The following GOLGA8H variants were observed in gnomAD, a reference collection of about 807,000 sequenced individuals.
The protein encoded by GOLGA8H is golgin A8 family member H.
GOLGA8H carries 47 observed loss-of-function variants against 82.7 expected under a neutral mutation model. The observed-to-expected ratio is 0.57, with a 90% confidence interval of 0.45 to 0.73. The LOEUF is 0.73. GOLGA8H is among the 30% of genes least tolerant of loss of function. The probability of loss-of-function intolerance (pLI) is 0.00; values close to 1 mark genes in which losing one functional copy is unlikely to be tolerated. For synonymous variants in GOLGA8H, 108 were observed against 241.6 expected (o/e 0.45, Z 5.13); for missense variants, 372 against 661.0 (o/e 0.56, Z 4.79).
intron 7 of GOLGA8H, 48 bp downstream of exon 7, chr15:30,608,599 G>T (rs563675353): frequency 1.2e-6 from 2 of 1,605,176 alleles, no homozygotes; most frequent in Admixed American, 1.7e-5. Context: ...ACTTTGACAG[G>T]TCTTCAGGGG....
intron 13 of GOLGA8H, chr15:30,612,148 A>C (rs1382331179): frequency 1.2e-5 from 1 of 80,598 alleles, no homozygotes; most frequent in East Asian, 2.4e-4. Flanking sequence ...TTAGGCCTGG[A>C]GTAAGGGGAC....
At position 30,610,062 on chromosome 15, in the gene GOLGA8H, G is replaced by A; in HGVS notation, c.742G>A (p.Glu248Lys). 6.2e-7 allele frequency: 1 copy of A among 1,611,420 alleles called. No homozygotes were observed. The highest frequency in any genetic ancestry group is 8.5e-7 in the Non-Finnish European group (1 of 1,179,754). ...TGAGTGTGCTGAACATCTAAAAGGAGAGAGGGCCCGGTGGCAGCAGAGGAT... is the reference window on the plus strand; with the variant it reads ...TGAGTGTGCTGAACATCTAAAAGGAAAGAGGGCCCGGTGGCAGCAGAGGAT... ...RDECAEHLKG[E>K]RARWQQRMRK... The change falls in exon 10 of 19, where the codon GAG (glutamate) becomes AAG (lysine). Residue 248 changes from glutamate (E) to lysine (K), a missense_variant. By Grantham distance (56) the Glu-to-Lys change is moderately conservative. Coordinates refer to ENST00000566740, the MANE Select transcript of GOLGA8H (RefSeq NM_001282490.2).
intron 2 of GOLGA8H, 131 bp downstream of exon 2, chr15:30,606,093 G>A (rs1471000634): frequency 5.3e-5 from 77 of 1,445,820 alleles, no homozygotes; most frequent in Non-Finnish European, 6.1e-5. Flanking sequence ...GGTGGCCCAC[G>A]CCTGTAATCC....
intron 5 of GOLGA8H, 39 bp from the exon 6 acceptor site, chr15:30,608,292 C>T (rs1204858305): frequency 2.5e-6 from 4 of 1,578,128 alleles, no homozygotes; most frequent in Admixed American, 3.6e-5. Flanking sequence ...GCCATCTCTG[C>T]CTCCCCCTGG....
In GOLGA8H at chr15:30,617,578, C is replaced by G. The variant is rs2060117717; in HGVS notation, c.*3017C>G. 6.6e-6 allele frequency: 1 copy of G among 150,972 alleles called. No homozygotes were observed. The highest frequency in any genetic ancestry group is 2.4e-5 in the African/African-American group (1 of 40,990). 9.4% of individuals were successfully genotyped at this position (150,972 alleles called of 1,614,324 possible). On this transcript the variant is annotated 3_prime_UTR_variant, in exon 19 of 19. Transcript: ENST00000566740. ...GAACGAAAAGCAGAGAAAGAAATGC[C>G]AATTCCAGTCCAAAGTTTTATTTGC...
At chr15:30,611,591 CAG>C (rs938886335) in intron 13 of GOLGA8H, among the ~76,000 whole-genome samples, 1 of 149,700 alleles carries the variant, frequency 6.7e-6, no homozygotes, top group East Asian at 2.0e-4. Context: ...CCCCCAATCA[CAG>C]GGGAAGAGAC....
intron 10 of GOLGA8H, 91 bp downstream of exon 10, chr15:30,610,197 G>C (rs2059996362): frequency 6.4e-7 from 1 of 1,552,342 alleles, no homozygotes; most frequent in East Asian, 2.2e-5. Context: ...GCCAGAGGTG[G>C]TCATGGGTCT....
intron 8 of GOLGA8H, among the ~76,000 whole-genome samples, chr15:30,609,066 G>C (rs1291415021): frequency 2.3e-5 from 3 of 128,958 alleles, no homozygotes; most frequent in Admixed American, 2.2e-4. Context: ...TGAAGGTACA[G>C]AAGAGTACCT....
At position 30,608,510 on chromosome 15, in the gene GOLGA8H, C is replaced by T. The variant is rs550515695; in HGVS notation, c.440C>T (p.Thr147Met). Reference protein sequence around the residue: ...TLNIQKGKLNTDLYHMKRSLR... With the variant: ...TLNIQKGKLNMDLYHMKRSLR... ...AACATACAGAAAGGGAAACTAAATA[C>T]GGACCTGTACCACATGAAACGTTCT... is the stretch of plus-strand genomic sequence containing the variant. The change falls in exon 7 of 19, where the codon ACG becomes ATG. Residue 147 changes from threonine to methionine, a missense_variant. Thr to Met is a moderately conservative substitution (Grantham distance 81). Coordinates refer to ENST00000566740, the MANE Select transcript of GOLGA8H (RefSeq NM_001282490.2). 1.1e-4 allele frequency: 173 copies of T among 1,610,902 alleles called. 1 individual carries two copies. Among genetic ancestry groups the T allele is most frequent in the South Asian group, 1.0e-3 (94 of 90,984 alleles).
chr15:30,605,811 C>G (rs1264300522), intron 1 of GOLGA8H, 32 bp from the exon 2 acceptor site: 1 of 1,590,890 alleles, frequency 6.3e-7, no homozygotes, highest in Non-Finnish European at 8.5e-7. Context: ...GCTGACGGTT[C>G]TCATGAGTAT....
In GOLGA8H at chr15:30,606,077, G is replaced by A. The variant is rs965191515; in HGVS notation, c.168+115G>A. 1,938 of 1,489,240 alleles carry A rather than the reference G, an allele frequency of 1.3e-3. 12 individuals are homozygous for A. Among genetic ancestry groups the A allele is most frequent in the Non-Finnish European group, 1.6e-3 (1,797 of 1,116,984 alleles). 92.3% of individuals were successfully genotyped at this position (1,489,240 alleles called of 1,614,324 possible). A position where few individuals can be genotyped will look rare whatever the true frequency, so the allele number is the denominator to read the frequency against. Reference sequence around the variant, plus strand: ...CTGGTTAAGAATTCTGGCTTTAGCCGGGTGTGGTGGCCCACGCCTGTAATC... The same window carrying A: ...CTGGTTAAGAATTCTGGCTTTAGCCAGGTGTGGTGGCCCACGCCTGTAATC... On this transcript the variant is annotated intron_variant, in intron 2 of 18. Coordinates refer to ENST00000566740, the MANE Select transcript of GOLGA8H (RefSeq NM_001282490.2).
chr15:30,612,484 G>T (rs1415223698), intron 13 of GOLGA8H, 113 bp from the exon 14 acceptor site: 2 of 1,294,040 alleles, frequency 1.5e-6, no homozygotes, highest in Non-Finnish European at 2.2e-6. Context: ...CGGTGGCTGA[G>T]ATGGCCTGCC....
Position 30,608,403 on chromosome 15 carries a change from T to C in GOLGA8H, c.396+25T>C, listed in dbSNP as rs553110529. The C allele has an allele frequency of 2.5e-5, 39 of 1,570,578 alleles. No individual in the cohort carries two copies. The Admixed American group carries it at 7.0e-4, about 28-fold the overall frequency. ...GGTGAGTGGAGGGTGTGCAGTTTCC[T>C]CCTGTCCTCCGGAGAAGGTTTCTTT... On this transcript the variant is annotated intron_variant, in intron 6 of 18. Transcript: ENST00000566740.
chr15:30,605,871 C>T lies in GOLGA8H; in HGVS notation c.77C>T (p.Pro26Leu). 1.3e-6 allele frequency: 2 copies of T among 1,582,942 alleles called. No homozygotes were observed. Among genetic ancestry groups the T allele is most frequent in the African/African-American group, 1.3e-5 (1 of 74,258 alleles). ...AAAGAATATTGGCAGAAAAACAGCC[C>T]TAGAGTTCCAGCAGGAGCGAACAGG... ...KLKEYWQKNS[P>L]RVPAGANRNR... Residue 26 changes from proline to leucine, a missense_variant, in exon 2 of 19, where the codon CCT becomes CTT. By Grantham distance (98) the Pro-to-Leu change is moderately conservative. Coordinates refer to ENST00000566740, the MANE Select transcript of GOLGA8H (RefSeq NM_001282490.2).
At position 30,609,978 on chromosome 15, in the gene GOLGA8H, G is replaced by C. The variant is rs377704326; in HGVS notation, c.679-21G>C. On this transcript the variant is annotated intron_variant, in intron 9 of 18. Coordinates refer to ENST00000566740, the MANE Select transcript of GOLGA8H (RefSeq NM_001282490.2). ...GAGGACCAGTGACAGCCCTTCCTAAGTTCTGTGCCCATTCTTGCAGTTGAA... is the reference window on the plus strand; with the variant it reads ...GAGGACCAGTGACAGCCCTTCCTAACTTCTGTGCCCATTCTTGCAGTTGAA... 7.3e-4 allele frequency: 1,172 copies of C among 1,609,758 alleles called. 5 individuals carry two copies. The highest frequency in any genetic ancestry group is 4.8e-3 in the African/African-American group (360 of 74,418).
Position 30,608,708 on chromosome 15 carries a change from G to A in GOLGA8H, c.543G>A (p.Glu181=), listed in dbSNP as rs530613155. The A allele has an allele frequency of 2.0e-6, 3 of 1,538,024 alleles. No individual in the cohort carries two copies. The highest frequency in any genetic ancestry group is 1.7e-5 in the Admixed American group (1 of 57,174). ...QHSLQRKGEL[E]SVLSNVMATQ... ...CATTGCAGCGTAAAGGAGAGTTAGA[G>A]AGTGTTCTCTCTAATGTCATGGCCA... Residue 181 remains glutamate (E), a synonymous_variant, in exon 8 of 19, where the codon GAG becomes GAA. Coordinates refer to ENST00000566740, the MANE Select transcript of GOLGA8H (RefSeq NM_001282490.2).
intron 2 of GOLGA8H, among the ~76,000 whole-genome samples, 168 bp downstream of exon 2, chr15:30,606,130 G>C (rs1045040420): frequency 1.3e-5 from 2 of 151,652 alleles, no homozygotes; most frequent in South Asian, 2.1e-4. Flanking sequence ...CAAGGCAGGC[G>C]GATCATGAGG....
intron 8 of GOLGA8H, 78 bp downstream of exon 8, chr15:30,608,834 A>C (rs938227194): frequency 7.8e-6 from 10 of 1,289,364 alleles, no homozygotes; most frequent in Non-Finnish European, 1.1e-5. Flanking sequence ...TCCCTTCTGC[A>C]GGATGGCGTG....
intron 13 of GOLGA8H, 148 bp downstream of exon 13, chr15:30,611,494 C>G: frequency 1.3e-6 from 2 of 1,516,654 alleles, no homozygotes; most frequent in Non-Finnish European, 1.8e-6. Context: ...GTGACTGTTT[C>G]TTGCTTCCTG....
Sources: gnomAD v4.1 joint callset for allele counts (sites outside exome capture counted in the v4.1 genomes callset) on GRCh38, gnomAD v4.1.1 for gene constraint, MANE v1.5 for transcripts, NCBI Gene and HGNC (gene_info 2026-07-23, HGNC 2026-07-21) for gene names.